The following GALK2 variants were observed in gnomAD, a reference collection of about 807,000 sequenced individuals.
The protein encoded by GALK2 is galactokinase 2, also known as N-acetylgalactosamine kinase.
A neutral mutation model predicts 52.4 loss-of-function variants in GALK2; 36 were observed. That is an observed-to-expected ratio of 0.69 (90% CI 0.53 to 0.91). GALK2 has a LOEUF of 0.91. Ranked by LOEUF, GALK2 falls within the 40% of genes least tolerant of loss-of-function variation. The pLI is 0.00. For missense variants in GALK2, 579 were observed against 559.1 expected, an observed-to-expected ratio of 1.04 and a Z score of -0.36; for synonymous variants, 176 against 199.1, an observed-to-expected ratio of 0.88 and a Z score of 0.98.
At chr15:49,339,474 C>G (rs1402553342) in intron 3 of GALK2, among the ~76,000 whole-genome samples, 2 of 152,226 alleles carry the variant, frequency 1.3e-5, no homozygotes, top group Non-Finnish European at 2.9e-5. Context: ...GTAAAGATTG[C>G]TGCCTGTTCC....
Position 49,366,727 on chromosome 15 carries a change from T to C in GALK2, c.427-764T>C, listed in dbSNP as rs539620406. ...GGTGGGGTGGCGCGGCGCGGCTCACTAGGTGGGGTAGGCTGGGAGTCCCGC... is the reference window on the plus strand; with the variant it reads ...GGTGGGGTGGCGCGGCGCGGCTCACCAGGTGGGGTAGGCTGGGAGTCCCGC... On this transcript the variant is annotated intron_variant, in intron 3 of 3. Transcript: ENST00000558399. 11 of 1,068,618 alleles carry C rather than the reference T, an allele frequency of 1.0e-5. No homozygotes were observed. In the South Asian group the frequency reaches 1.2e-4, roughly 11 times the overall value. 66.2% of individuals were successfully genotyped at this position (1,068,618 alleles called of 1,614,324 possible). A position where few individuals can be genotyped will look rare whatever the true frequency, so the allele number is the denominator to read the frequency against.
At chr15:49,165,420 C>G, upstream of GALK2, among the ~76,000 whole-genome samples, 1 of 152,144 alleles carries the variant, frequency 6.6e-6, no homozygotes, top group Non-Finnish European at 1.5e-5. Context: ...TTAATTTATT[C>G]CTTCATTAAA....
downstream of GALK2, among the ~76,000 whole-genome samples, chr15:49,334,969 T>G (rs772956275): frequency 6.6e-6 from 1 of 152,242 alleles, no homozygotes; most frequent in Non-Finnish European, 1.5e-5. Context: ...TTATTATGAA[T>G]AACTGCAAAT....
rs1210884299 is a variant in GALK2, at chr15:49,205,987, G to T, written c.142+4737G>T. ...ATCCCCGCACAATTTGTTGAAAAGG[G>T]TGTCCTTTCCCTACTTTTTGATTTT... On this transcript the variant is annotated intron_variant, in intron 2 of 9. Transcript: ENST00000560031. Among the ~76,000 whole-genome samples, 3 of 152,094 alleles carry T rather than the reference G, an allele frequency of 2.0e-5. No individual in the cohort carries two copies. In the South Asian group the frequency reaches 6.2e-4, roughly 32 times the overall value.
At chr15:49,306,644 G>A (rs543245384) in intron 8 of GALK2, among the ~76,000 whole-genome samples, 58 of 152,160 alleles carry the variant, frequency 3.8e-4, no homozygotes, top group African/African-American at 1.4e-3. Context: ...ACCAGGCCAG[G>A]CCAGCCCTAG....
At chr15:49,323,364 G>A (rs563241425) in intron 9 of GALK2, among the ~76,000 whole-genome samples, 2 of 152,256 alleles carry the variant, frequency 1.3e-5, no homozygotes, top group Non-Finnish European at 2.9e-5. Context: ...GGGAAGGTGT[G>A]ACTAAGACTG....
At chr15:49,341,224 T>A (rs905533644) in intron 3 of GALK2, among the ~76,000 whole-genome samples, 3 of 152,212 alleles carry the variant, frequency 2.0e-5, no homozygotes, top group African/African-American at 2.4e-5. Flanking sequence ...TTCTTTTTGC[T>A]TAGGATTTTT....
At chr15:49,287,850 G>A (rs1401808988) in intron 7 of GALK2, among the ~76,000 whole-genome samples, 1 of 152,036 alleles carries the variant, frequency 6.6e-6, no homozygotes, top group Non-Finnish European at 1.5e-5. Context: ...AGTTAACACA[G>A]AGAAGTACAC....
At chr15:49,344,558 T>G (rs1478569769) in intron 3 of GALK2, among the ~76,000 whole-genome samples, 1 of 152,204 alleles carries the variant, frequency 6.6e-6, no homozygotes, top group Non-Finnish European at 1.5e-5. Context: ...GAGGGAGGAC[T>G]GTAACTCTTT....
intron 1 of GALK2, among the ~76,000 whole-genome samples, chr15:49,199,722 A>C (rs1163089811): frequency 6.6e-6 from 1 of 152,208 alleles, no homozygotes; most frequent in Non-Finnish European, 1.5e-5. Flanking sequence ...GGAGCTGTTA[A>C]GTCTTGTAGA....
At chr15:49,355,291 T>G (rs2042952114) in intron 3 of GALK2, among the ~76,000 whole-genome samples, 1 of 152,072 alleles carries the variant, frequency 6.6e-6, no homozygotes, top group South Asian at 2.1e-4. Flanking sequence ...CAAATTACTC[T>G]GAGCTACGGG....
chr15:49,323,647 G>C (rs151048287), intron 9 of GALK2, among the ~76,000 whole-genome samples: 5 of 152,258 alleles, frequency 3.3e-5, no homozygotes, highest in African/African-American at 4.8e-5. Flanking sequence ...ATCTGAGCTA[G>C]ACTGAATTAA....
At chr15:49,264,430 TA>T (rs1329440786) in intron 5 of GALK2, among the ~76,000 whole-genome samples, 1 of 152,168 alleles carries the variant, frequency 6.6e-6, no homozygotes, top group Non-Finnish European at 1.5e-5. Context: ...TCAGCTCCTT[TA>T]AGCGCTTCTC....
intron 3 of GALK2, among the ~76,000 whole-genome samples, chr15:49,354,917 A>G (rs1041807048): frequency 6.6e-6 from 1 of 152,042 alleles, no homozygotes; most frequent in Admixed American, 6.5e-5. Flanking sequence ...TGCCTCCTCA[A>G]GTGGGTCCCT....
At chr15:49,365,092 A>C in intron 3 of GALK2, 4 of 626,700 alleles carry the variant, frequency 6.4e-6, no homozygotes, top group Non-Finnish European at 5.8e-6. Context: ...GTAGAAAATC[A>C]ATGACACATT....
rs2092067069 is a variant in GALK2 at position 49,260,789 on chromosome 15, AG to A, written c.505-21197del. ...GAGTTTCAGCTTTCTACATATGGCT[AG>A]CCAGTTTTCCCAGCACCATTTATTA... On this transcript the variant is annotated intron_variant, in intron 5 of 9. Coordinates refer to ENST00000560031, the MANE Select transcript of GALK2 (RefSeq NM_002044.4). Among the ~76,000 whole-genome samples, 10 of 152,284 alleles carry A rather than the reference AG, an allele frequency of 6.6e-5. No homozygotes were observed. In the South Asian group the frequency reaches 2.1e-3, roughly 32 times the overall value.
At chr15:49,354,899 G>T (rs980576843) in intron 3 of GALK2, among the ~76,000 whole-genome samples, 4 of 151,934 alleles carry the variant, frequency 2.6e-5, no homozygotes, top group African/African-American at 7.3e-5. Context: ...ATCTGAGAAC[G>T]GGCAGACTGC....
chr15:49,276,124 A>T (rs2031614618), intron 5 of GALK2, among the ~76,000 whole-genome samples: 1 of 152,322 alleles, frequency 6.6e-6, no homozygotes, highest in South Asian at 2.1e-4. Flanking sequence ...TTCCCTAATG[A>T]TTCTCAGTCA....
rs1242755451 is a variant in GALK2, at chr15:49,201,205, A to G, written c.97A>G (p.Ile33Val). The G allele has an allele frequency of 2.5e-6, 4 of 1,610,604 alleles. No homozygotes were observed. The highest frequency in any genetic ancestry group is 3.4e-6 in the Non-Finnish European group (4 of 1,177,390). Residue 33 changes from isoleucine (I) to valine (V), a missense_variant, in exon 2 of 10, where the codon ATT (isoleucine) becomes GTT (valine). Coordinates refer to ENST00000560031, the MANE Select transcript of GALK2 (RefSeq NM_002044.4). ...KEMFNSKFGSIPKFYVRAPGR... is the reference protein window; with the variant it reads ...KEMFNSKFGSVPKFYVRAPGR... ...GATGTTTAACTCCAAGTTTGGATCT[A>G]TTCCCAAGTTTTATGTTCGAGCACC...
Sources: gnomAD v4.1 joint callset for allele counts (sites outside exome capture counted in the v4.1 genomes callset) on GRCh38, gnomAD v4.1.1 for gene constraint, MANE v1.5 for transcripts, NCBI Gene and HGNC (gene_info 2026-07-23, HGNC 2026-07-21) for gene names.